Variants in BIVM observed in about 807,000 individuals in gnomAD.
BIVM encodes basic immunoglobulin-like variable motif-containing protein.
Under a neutral mutation model 61.4 loss-of-function variants are expected in BIVM, and 31 were observed. The ratio of observed to expected loss-of-function variants is 0.51; its 90% CI spans 0.38 to 0.68. The LOEUF (loss-of-function observed/expected upper bound fraction) is 0.68, where lower values mean the gene tolerates loss of function less well. Ranked by LOEUF, BIVM falls within the 30% of genes least tolerant of loss-of-function variation. The probability of loss-of-function intolerance (pLI) is 0.00; values close to 1 mark genes in which losing one functional copy is unlikely to be tolerated. For missense variants in BIVM, 526 were observed against 596.0 expected (o/e 0.88, Z 1.22); for synonymous variants, 189 against 210.7 (o/e 0.90, Z 0.89).
chr13:102,806,319 G>A (rs959960228), intron 2 of BIVM, among the ~76,000 whole-genome samples: 12 of 151,956 alleles, frequency 7.9e-5, no homozygotes, highest in African/African-American at 2.4e-5. Context: ...GCGCGATCTC[G>A]GCTCACTGCA....
At chr13:102,835,540 T>G (rs929827667) in intron 9 of BIVM, among the ~76,000 whole-genome samples, 7 of 152,088 alleles carry the variant, frequency 4.6e-5, no homozygotes, top group Admixed American at 1.3e-4. Flanking sequence ...TGTTTGTTTG[T>G]TTGGTTTTTT....
At chr13:102,833,221 G>A (rs993549279) in intron 8 of BIVM, among the ~76,000 whole-genome samples, 16 of 151,584 alleles carry the variant, frequency 1.1e-4, no homozygotes, top group South Asian at 2.1e-4. Context: ...GCAACAGAGC[G>A]AGATCCTTTC....
rs924623582 is a variant in BIVM at position 102,807,048 on chromosome 13, T to C, written c.-122-98T>C. On this transcript the variant is annotated intron_variant, in intron 2 of 10. Transcript: ENST00000257336. The surrounding 1 kb of genome is among the most constrained non-coding windows in gnomAD (Gnocchi z 4.0). ...TCATATAGTAGTTGTAAAATTAATA[T>C]AGAATGAAGGCATATGTATGCATAA... 13 of 434,214 alleles carry C rather than the reference T, an allele frequency of 3.0e-5. No individual in the cohort carries two copies. Among genetic ancestry groups the C allele is most frequent in the Non-Finnish European group, 4.0e-5 (10 of 247,202 alleles). The allele number at this position is 434,214 out of a possible 1,614,324, so 26.9% of individuals were successfully genotyped here. A position where few individuals can be genotyped will look rare whatever the true frequency, so the allele number is the denominator to read the frequency against.
At chr13:102,802,559 A>G (rs934972409) in intron 1 of BIVM, among the ~76,000 whole-genome samples, 1 of 152,174 alleles carries the variant, frequency 6.6e-6, no homozygotes, top group African/African-American at 2.4e-5. Context: ...ATAGTTTCCA[A>G]TGAGAATGTT....
intron 3 of BIVM, among the ~76,000 whole-genome samples, chr13:102,814,762 G>C (rs1030618904): frequency 1.3e-5 from 2 of 152,068 alleles, no homozygotes; most frequent in Admixed American, 6.6e-5. Flanking sequence ...TAATTAAAAG[G>C]GTCACGCATG....
At chr13:102,832,648 A>T (rs916336302) in intron 8 of BIVM, among the ~76,000 whole-genome samples, 3 of 152,268 alleles carry the variant, frequency 2.0e-5, no homozygotes, top group African/African-American at 7.2e-5. Context: ...ATTAAAAAGC[A>T]TCTTCTTTTC....
chr13:102,823,474 G>A (rs945122995), intron 7 of BIVM, among the ~76,000 whole-genome samples: 20 of 152,304 alleles, frequency 1.3e-4, no homozygotes, highest in Non-Finnish European at 1.8e-4. Flanking sequence ...TACTTAGCAC[G>A]CTGTGTTACA....
intron 3 of BIVM, among the ~76,000 whole-genome samples, chr13:102,809,471 G>A (rs1304737595): frequency 6.6e-6 from 1 of 152,226 alleles, no homozygotes; most frequent in African/African-American, 2.4e-5. Context: ...GCATTCTGCA[G>A]TCATTGGGAG....
chr13:102,813,345 T>G (rs1332694683), intron 3 of BIVM, among the ~76,000 whole-genome samples: 1 of 152,238 alleles, frequency 6.6e-6, no homozygotes, highest in Non-Finnish European at 1.5e-5. Flanking sequence ...GTTACTTTGT[T>G]TGATATTAAT....
intron 1 of BIVM, among the ~76,000 whole-genome samples, chr13:102,804,585 A>G (rs144735785): frequency 0.026 from 3,925 of 152,254 alleles, 85 homozygotes; most frequent in Non-Finnish European, 0.038. Flanking sequence ...TGCTGGGATT[A>G]CAGGTGTGAG....
chr13:102,807,251 C>T lies in BIVM; in HGVS notation c.-17C>T. 6.3e-7 allele frequency: 1 copy of T among 1,578,476 alleles called. No homozygotes were observed. The highest frequency in any genetic ancestry group is 1.7e-4 in the Middle Eastern group (1 of 5,876). ...TGCAACTTGTTTCTAGTAATAGAAA[C>T]TTTTACACTGCATTCAATGCCTAAC... On this transcript the variant is annotated 5_prime_UTR_variant, in exon 3 of 11. Transcript: ENST00000257336. This position sits in a 1 kb window ranked among gnomAD's most constrained non-coding sequence, Gnocchi z 4.0.
intron 7 of BIVM, among the ~76,000 whole-genome samples, chr13:102,829,863 AT>A (rs34716092): frequency 6.6e-6 from 1 of 151,806 alleles, no homozygotes; most frequent in African/African-American, 2.4e-5. Context: ...AATAAAATAA[AT>A]AATTAAATAA....
In BIVM at chr13:102,807,249, A is replaced by C. The variant is rs1384637176; in HGVS notation, c.-19A>C. The stretch of plus-strand genomic sequence containing the variant: ...GTTGCAACTTGTTTCTAGTAATAGA[A>C]ACTTTTACACTGCATTCAATGCCTA... On this transcript the variant is annotated 5_prime_UTR_variant, in exon 3 of 11. Transcript: ENST00000257336. This position sits in a 1 kb window ranked among gnomAD's most constrained non-coding sequence, Gnocchi z 4.0. 3 of 1,560,224 alleles carry C rather than the reference A, an allele frequency of 1.9e-6. No individual in the cohort carries two copies. In the South Asian group the frequency reaches 3.6e-5, roughly 19 times the overall value.
At chr13:102,812,851 A>C (rs895484323) in intron 3 of BIVM, among the ~76,000 whole-genome samples, 19 of 152,272 alleles carry the variant, frequency 1.2e-4, no homozygotes, top group African/African-American at 4.6e-4. Context: ...GCCCCCCTGT[A>C]TCTGTGCTTT....
intron 1 of BIVM, among the ~76,000 whole-genome samples, chr13:102,803,707 T>C (rs574995653): frequency 2.6e-5 from 4 of 151,784 alleles, no homozygotes; most frequent in Admixed American, 1.3e-4. Flanking sequence ...CGAGACTATA[T>C]GCTCTTTCAT....
At chr13:102,831,258 A>G (rs1034021882) in intron 7 of BIVM, among the ~76,000 whole-genome samples, 3 of 152,210 alleles carry the variant, frequency 2.0e-5, no homozygotes, top group Admixed American at 6.5e-5. Context: ...AGTTGAAACC[A>G]TTGCTGAATA....
intron 8 of BIVM, 63 bp from the exon 9 acceptor site, chr13:102,834,403 A>G (rs1000271456): frequency 4.1e-5 from 60 of 1,460,178 alleles, no homozygotes; most frequent in Non-Finnish European, 1.5e-5. Context: ...ATTAATATAT[A>G]TTTGAAGCAA....
At chr13:102,823,569 AAC>A (rs1185007196) in intron 7 of BIVM, among the ~76,000 whole-genome samples, 18 of 152,184 alleles carry the variant, frequency 1.2e-4, no homozygotes, top group Admixed American at 2.0e-4. Context: ...CCTTCTGGAA[AAC>A]ACAGCTTTAA....
At chr13:102,815,055 A>T (rs1879769861) in intron 3 of BIVM, among the ~76,000 whole-genome samples, 1 of 152,150 alleles carries the variant, frequency 6.6e-6, no homozygotes, top group African/African-American at 2.4e-5. Context: ...AAACAAACAA[A>T]CAAACAAACA....
Sources: gnomAD v4.1 joint callset for allele counts (sites outside exome capture counted in the v4.1 genomes callset) on GRCh38, gnomAD v4.1.1 for gene constraint, Gnocchi (gnomAD v3.1) non-coding constraint, MANE v1.5 for transcripts, NCBI Gene and HGNC (gene_info 2026-07-23, HGNC 2026-07-21) for gene names.